Variants in ANKRD31 observed in about 807,000 individuals in gnomAD.
The protein encoded by ANKRD31 is ankyrin repeat domain 31.
In ANKRD31, 147 loss-of-function variants were observed where a neutral mutation model predicts 186.0. The observed-to-expected ratio is 0.79, with a 90% CI of 0.69 to 0.91. The LOEUF (loss-of-function observed/expected upper bound fraction) is 0.91, where lower values mean the gene tolerates loss of function less well. ANKRD31 is among the 40% of genes least tolerant of loss of function. ANKRD31 has a pLI of 0.00. For missense variants in ANKRD31, 1,986 were observed against 2,148.8 expected (o/e 0.92, Z 1.50); for synonymous variants, 673 against 736.4 (o/e 0.91, Z 1.39).
chr5:75,136,366 C>G (rs1750575202), intron 17 of ANKRD31, among the ~76,000 whole-genome samples: 1 of 152,154 alleles, frequency 6.6e-6, no homozygotes, highest in African/African-American at 2.4e-5. Context: ...TATGAACAGA[C>G]ACTTCTCAAA....
At chr5:75,170,904 T>C (rs558458168) in intron 10 of ANKRD31, among the ~76,000 whole-genome samples, 79 of 152,208 alleles carry the variant, frequency 5.2e-4, no homozygotes, top group African/African-American at 1.6e-3. Flanking sequence ...TTCATGGTGA[T>C]GAAAGAGCTA....
At chr5:75,076,550 C>G (rs1000282185) in intron 25 of ANKRD31, among the ~76,000 whole-genome samples, 2 of 152,138 alleles carry the variant, frequency 1.3e-5, no homozygotes, top group Non-Finnish European at 2.9e-5. Flanking sequence ...CTCTGAGCCC[C>G]GTCATTTAGT....
intron 10 of ANKRD31, among the ~76,000 whole-genome samples, chr5:75,173,868 G>GA (rs1342825951): frequency 3.9e-5 from 6 of 151,912 alleles, no homozygotes; most frequent in African/African-American, 7.3e-5. Context: ...CACAGAATTG[G>GA]AAAAAACTAC....
chr5:75,143,252 C>T (rs979367666), intron 15 of ANKRD31, among the ~76,000 whole-genome samples: 7 of 152,120 alleles, frequency 4.6e-5, no homozygotes, highest in African/African-American at 1.7e-4. Flanking sequence ...GTCTCCTTAT[C>T]TTAGGGTTCT....
intron 14 of ANKRD31, among the ~76,000 whole-genome samples, chr5:75,145,266 C>T (rs937997946): frequency 2.0e-5 from 3 of 152,084 alleles, no homozygotes; most frequent in Non-Finnish European, 4.4e-5. Context: ...ATAAATCATT[C>T]TACTATAAAG....
chr5:75,183,333 A>C (rs907645516), intron 10 of ANKRD31, among the ~76,000 whole-genome samples: 4 of 152,168 alleles, frequency 2.6e-5, no homozygotes, highest in African/African-American at 9.6e-5. Flanking sequence ...AAAAGTTGAA[A>C]GTTTTTCCTT....
chr5:75,115,281 G>A (rs1748123920), intron 19 of ANKRD31, among the ~76,000 whole-genome samples: 1 of 151,462 alleles, frequency 6.6e-6, no homozygotes, highest in East Asian at 1.9e-4. Flanking sequence ...AGACTTAAAT[G>A]TTAGACCTAA....
Position 75,104,485 on chromosome 5 carries a change from G to T in ANKRD31, c.5074C>A (p.Leu1692Met), listed in dbSNP as rs768054850. 6.5e-7 allele frequency: 1 copy of T among 1,537,236 alleles called. No homozygotes were observed. Among genetic ancestry groups the T allele is most frequent in the East Asian group, 2.4e-5 (1 of 40,910 alleles). ...QQSPTGASESLAHQGIAVLGS... is the reference protein window; with the variant it reads ...QQSPTGASESMAHQGIAVLGS... ...AAGACAGCAATCCCTTGATGTGCCA[G>T]AGATTCTGATGCCCCTGTAGGTGAT... Residue 1692 changes from leucine to methionine, a missense_variant, in exon 22 of 26, where the codon CTG (leucine) becomes ATG (methionine). Physicochemically the swap from Leu to Met is conservative, Grantham distance 15. Coordinates refer to ENST00000506364, the MANE Select transcript of ANKRD31 (RefSeq NM_001372053.1).
intron 2 of ANKRD31, among the ~76,000 whole-genome samples, chr5:75,224,508 A>G (rs1395692050): frequency 1.3e-5 from 2 of 152,104 alleles, no homozygotes; most frequent in East Asian, 3.8e-4. Flanking sequence ...ACACATATAT[A>G]TGGAAATTTA....
intron 7 of ANKRD31, among the ~76,000 whole-genome samples, chr5:75,193,848 G>A (rs1341119509): frequency 2.0e-5 from 3 of 152,060 alleles, no homozygotes; most frequent in African/African-American, 7.2e-5. Flanking sequence ...AAATTCAAAG[G>A]CAAATCTATG....
chr5:75,197,375 G>T (rs1335687620), intron 6 of ANKRD31, among the ~76,000 whole-genome samples: 10 of 152,084 alleles, frequency 6.6e-5, no homozygotes, highest in Admixed American at 3.3e-4. Context: ...AATGACTTTG[G>T]TTTTTTCCAA....
chr5:75,118,811 G>T (rs892527312), intron 17 of ANKRD31, among the ~76,000 whole-genome samples: 3 of 152,084 alleles, frequency 2.0e-5, no homozygotes, highest in African/African-American at 7.2e-5. Context: ...ATCTTAACGT[G>T]GAATTTCTGA....
At chr5:75,101,428 T>A (rs1199086423) in intron 22 of ANKRD31, among the ~76,000 whole-genome samples, 1 of 152,144 alleles carries the variant, frequency 6.6e-6, no homozygotes, top group Non-Finnish European at 1.5e-5. Flanking sequence ...TTGAGGAGTA[T>A]CTTTATGGTG....
intron 10 of ANKRD31, among the ~76,000 whole-genome samples, chr5:75,176,162 G>T (rs1179155160): frequency 6.6e-6 from 1 of 152,178 alleles, no homozygotes; most frequent in African/African-American, 2.4e-5. Flanking sequence ...AGATCAAACT[G>T]CAAGGTGGCA....
intron 10 of ANKRD31, among the ~76,000 whole-genome samples, chr5:75,183,008 A>T (rs545640960): frequency 1.3e-5 from 2 of 152,318 alleles, no homozygotes; most frequent in East Asian, 3.9e-4. Context: ...CAAAATCTTC[A>T]ACAAAATACA....
intron 4 of ANKRD31, among the ~76,000 whole-genome samples, chr5:75,209,078 A>C (rs1486508620): frequency 6.6e-6 from 1 of 152,224 alleles, no homozygotes; most frequent in African/African-American, 2.4e-5. Flanking sequence ...TTAATCAACA[A>C]TACTTTCCTA....
intron 3 of ANKRD31, among the ~76,000 whole-genome samples, chr5:75,217,755 A>G (rs1172686180): frequency 6.6e-6 from 1 of 152,128 alleles, no homozygotes. Context: ...GTTCATTCAT[A>G]TTCAACATTA....
chr5:75,137,852 G>GTACC lies in ANKRD31; in HGVS notation c.3876_3876+3dup, dbSNP rs1750716156. On this transcript the variant is annotated splice_donor_region_variant and intron_variant, in intron 17 of 25. Transcript: ENST00000506364. Reference sequence around the variant, plus strand: ...GTAAGATCTTAATGTGATGTGCACTGTACCTTTAAATGATTGTTTGCAACA... The same window carrying GTACC: ...GTAAGATCTTAATGTGATGTGCACTGTACCTACCTTTAAATGATTGTTTGCAACA... The GTACC allele has an allele frequency of 2.6e-6, 4 of 1,519,704 alleles. No individual in the cohort carries two copies. Among genetic ancestry groups the GTACC allele is most frequent in the African/African-American group, 1.4e-5 (1 of 72,272 alleles). 94.1% of individuals were successfully genotyped at this position (1,519,704 alleles called of 1,614,324 possible). A position where few individuals can be genotyped will look rare whatever the true frequency, so the allele number is the denominator to read the frequency against.
intron 10 of ANKRD31, among the ~76,000 whole-genome samples, chr5:75,173,314 T>C (rs1359554397): frequency 1.3e-5 from 2 of 152,154 alleles, no homozygotes; most frequent in African/African-American, 4.8e-5. Context: ...ATTCCCTTTG[T>C]AAACCAGCAC....
Sources: gnomAD v4.1 joint callset for allele counts (sites outside exome capture counted in the v4.1 genomes callset) on GRCh38, gnomAD v4.1.1 for gene constraint, MANE v1.5 for transcripts, NCBI Gene and HGNC (gene_info 2026-07-23, HGNC 2026-07-21) for gene names.